Variants in TMEM74 observed in about 807,000 individuals in gnomAD.
TMEM74 encodes transmembrane protein 74.
Under a neutral mutation model 18.1 loss-of-function variants are expected in TMEM74, and 13 were observed. That is an observed-to-expected ratio of 0.72 (90% CI 0.47 to 1.14). The LOEUF is 1.14. Ranked by LOEUF, TMEM74 falls within the 50% of genes most tolerant of loss-of-function variation. TMEM74 has a pLI of 0.00. For synonymous variants in TMEM74, 159 were observed against 146.6 expected (o/e 1.08, Z -0.61); for missense variants, 372 against 375.9 (o/e 0.99, Z 0.09).
rs368717540 is a variant in TMEM74 at position 108,680,060 on chromosome 8, A to T, written n.120-24623T>A. Among the ~76,000 whole-genome samples, 12 of 152,170 alleles carry T rather than the reference A, an allele frequency of 7.9e-5. No individual in the cohort carries two copies. In the East Asian group the frequency reaches 1.9e-3, roughly 25 times the overall value. On this transcript the variant is annotated intron_variant and non_coding_transcript_variant, in intron 1 of 3. Transcript: ENST00000518838. ...GGCAATAATCAATAGCTTACTAACCAAAAAAAGTCCAGGATCTACCAGAGG... is the reference window on the plus strand; with the variant it reads ...GGCAATAATCAATAGCTTACTAACCTAAAAAAGTCCAGGATCTACCAGAGG...
intron 2 of TMEM74, among the ~76,000 whole-genome samples, chr8:108,633,531 T>C (rs963214115): frequency 6.6e-5 from 10 of 152,036 alleles, no homozygotes; most frequent in Non-Finnish European, 1.3e-4. Flanking sequence ...AATATAACAT[T>C]ATCCTTTTTC....
chr8:108,720,735 T>C (rs1421559748), intron 1 of TMEM74, among the ~76,000 whole-genome samples: 1 of 126,308 alleles, frequency 7.9e-6, no homozygotes, highest in African/African-American at 3.5e-5. Context: ...TAACTATTTA[T>C]TTATTTATTT....
At chr8:108,666,221 A>G (rs1812947960) in intron 1 of TMEM74, among the ~76,000 whole-genome samples, 1 of 152,164 alleles carries the variant, frequency 6.6e-6, no homozygotes, top group Non-Finnish European at 1.5e-5. Flanking sequence ...TCAGAAATAG[A>G]TTCTGTGTGT....
chr8:108,784,952 G>A lies in TMEM74; in HGVS notation c.147C>T (p.Thr49=). ...ACCCTTCCATCTCGGTTGCTCTTGGGGTGGATGCACACTGTTTCTGACAGC... is the reference window on the plus strand; with the variant it reads ...ACCCTTCCATCTCGGTTGCTCTTGGAGTGGATGCACACTGTTTCTGACAGC... ...ALCCQKQCAS[T]PRATEMEGSK... Residue 49 remains threonine (T), a synonymous_variant, in exon 2 of 2, where the codon ACC becomes ACT. Transcript: ENST00000297459. 1.2e-6 allele frequency: 2 copies of A among 1,614,100 alleles called. No individual in the cohort carries two copies. The highest frequency in any genetic ancestry group is 1.1e-5 in the South Asian group (1 of 91,078).
intron 1 of TMEM74, among the ~76,000 whole-genome samples, chr8:108,703,327 G>T (rs1813355684): frequency 6.6e-6 from 1 of 152,138 alleles, no homozygotes; most frequent in South Asian, 2.1e-4. Context: ...AGTATATTAA[G>T]ATGAAGATCA....
chr8:108,778,784 T>C (rs904065587), downstream of TMEM74, among the ~76,000 whole-genome samples: 3 of 152,206 alleles, frequency 2.0e-5, no homozygotes, highest in African/African-American at 7.2e-5. Flanking sequence ...AAAAGCTTTC[T>C]AGACACTCAG....
At chr8:108,607,411 C>T (rs772066266) in exon 4 of TMEM74, 5 of 152,220 alleles carry the variant, frequency 3.3e-5, no homozygotes, top group Non-Finnish European at 5.9e-5. Context: ...AAACCAACCA[C>T]TTTAGACCAA....
intron 1 of TMEM74, among the ~76,000 whole-genome samples, chr8:108,771,185 A>G (rs1270073337): frequency 6.6e-6 from 1 of 152,218 alleles, no homozygotes; most frequent in Non-Finnish European, 1.5e-5. Flanking sequence ...ATAGTTAAGT[A>G]TATGGACTTA....
chr8:108,623,072 T>A (rs1812459154), intron 2 of TMEM74, among the ~76,000 whole-genome samples: 1 of 152,152 alleles, frequency 6.6e-6, no homozygotes. Flanking sequence ...TATTCTGCTT[T>A]CTACCTTCAC....
At chr8:108,710,196 G>A (rs1813460661) in intron 1 of TMEM74, among the ~76,000 whole-genome samples, 1 of 152,212 alleles carries the variant, frequency 6.6e-6, no homozygotes, top group Non-Finnish European at 1.5e-5. Context: ...AGTAAAGGAT[G>A]CGTTTAGTAT....
At chr8:108,747,145 T>C (rs1163454336) in intron 1 of TMEM74, among the ~76,000 whole-genome samples, 9 of 152,080 alleles carry the variant, frequency 5.9e-5, no homozygotes, top group Non-Finnish European at 1.3e-4. Context: ...GACTGAGCCC[T>C]CAACCTGTTG....
At chr8:108,705,971 T>G (rs1478656466) in intron 1 of TMEM74, among the ~76,000 whole-genome samples, 2 of 152,208 alleles carry the variant, frequency 1.3e-5, no homozygotes, top group Non-Finnish European at 2.9e-5. Context: ...GCTATCAAAA[T>G]TCCAAACAGC....
chr8:108,671,643 G>A (rs1813006095), intron 1 of TMEM74, among the ~76,000 whole-genome samples: 1 of 152,096 alleles, frequency 6.6e-6, no homozygotes, highest in Non-Finnish European at 1.5e-5. Context: ...TGGTGGGGTG[G>A]AGAGAGATTA....
In TMEM74 at chr8:108,784,236, T is replaced by C. The variant is rs202244551; in HGVS notation, c.863A>G (p.Glu288Gly). 4.3e-6 allele frequency: 7 copies of C among 1,614,190 alleles called. No individual in the cohort carries two copies. In the East Asian group the frequency reaches 1.6e-4, roughly 36 times the overall value. Residue 288 changes from glutamate (E) to glycine (G), a missense_variant, in exon 2 of 2, where the codon GAA (glutamate) becomes GGA (glycine). Glu to Gly is a moderately conservative substitution (Grantham distance 98). Transcript: ENST00000297459. ...TACCAAGGACAGTTCCAGAGTGTTT[T>C]CATTCGTGCTGGTTTTCATCCTGAA... is the stretch of plus-strand genomic sequence containing the variant. ...FNFRMKTSTNENTLELSLVEE... is the reference protein window; with the variant it reads ...FNFRMKTSTNGNTLELSLVEE...
At chr8:108,677,965 C>T (rs768921422) in intron 1 of TMEM74, among the ~76,000 whole-genome samples, 1 of 152,100 alleles carries the variant, frequency 6.6e-6, no homozygotes, top group Admixed American at 6.6e-5. Flanking sequence ...AGTGACATCC[C>T]AATTTACCAT....
chr8:108,778,170 G>C (rs543459152), downstream of TMEM74, among the ~76,000 whole-genome samples: 1 of 152,202 alleles, frequency 6.6e-6, no homozygotes, highest in South Asian at 2.1e-4. Flanking sequence ...AGAAATTCTG[G>C]TAGTCATTAG....
chr8:108,718,162 T>G lies in TMEM74; in HGVS notation n.120-62725A>C, dbSNP rs1229349260. Among the ~76,000 whole-genome samples the G allele has an allele frequency of 2.5e-4, 29 of 116,220 alleles. 1 individual carries two copies. The highest frequency in any genetic ancestry group is 4.5e-4 in the Non-Finnish European group (28 of 62,352). 76.2% of individuals were successfully genotyped at this position (116,220 alleles called of 152,430 possible). On this transcript the variant is annotated intron_variant and non_coding_transcript_variant, in intron 1 of 3. Transcript: ENST00000518838. Reference sequence around the variant, plus strand: ...TTTAGTAGAGACGGGGTTTCACCATTTTAGCCGGGATGGTCTCGATCTCCT... The same window carrying G: ...TTTAGTAGAGACGGGGTTTCACCATGTTAGCCGGGATGGTCTCGATCTCCT...
intron 1 of TMEM74, among the ~76,000 whole-genome samples, chr8:108,757,096 A>C (rs1473643904): frequency 6.6e-6 from 1 of 152,130 alleles, no homozygotes; most frequent in African/African-American, 2.4e-5. Context: ...GAAATAAGAT[A>C]CTATTAATGG....
chr8:108,635,289 A>G (rs77235088), intron 2 of TMEM74, among the ~76,000 whole-genome samples: 10 of 151,108 alleles, frequency 6.6e-5, no homozygotes, highest in African/African-American at 2.4e-4. Flanking sequence ...TTTTCCTGTT[A>G]CTGATGTTCT....
Sources: allele counts gnomAD v4.1 joint callset (sites outside exome capture counted in the v4.1 genomes callset), GRCh38; gene constraint gnomAD v4.1.1; transcripts MANE v1.5; gene names NCBI Gene and HGNC (gene_info 2026-07-23, HGNC 2026-07-21).